Variants in SCAMP4 observed in about 807,000 individuals in gnomAD.
The protein encoded by SCAMP4 is secretory carrier membrane protein 4, also known as secretory carrier-associated membrane protein 4.
In SCAMP4, 19 loss-of-function variants were observed where a neutral mutation model predicts 32.1. The observed-to-expected ratio is 0.59, with a 90% confidence interval of 0.41 to 0.87. The LOEUF (loss-of-function observed/expected upper bound fraction) is 0.87, where lower values mean the gene tolerates loss of function less well. Ranked by LOEUF, SCAMP4 falls within the 40% of genes least tolerant of loss-of-function variation. The pLI is 0.00. For missense variants in SCAMP4, 302 were observed against 309.0 expected, an observed-to-expected ratio of 0.98 and a Z score of 0.17; for synonymous variants, 152 against 132.7, an observed-to-expected ratio of 1.15 and a Z score of -1.00.
At chr19:1,917,515 C>T (rs1191604303) in intron 2 of SCAMP4, among the ~76,000 whole-genome samples, 179 bp from the exon 3 acceptor site, 6 of 152,146 alleles carry the variant, frequency 3.9e-5, no homozygotes, top group South Asian at 2.1e-4. Context: ...CCCACCCTCC[C>T]GTCTCCTCTC....
rs868340074 is a variant in SCAMP4, at chr19:1,913,129, G to A, written c.-41-1850G>A. 5.1e-6 allele frequency: 8 copies of A among 1,573,178 alleles called. No individual in the cohort carries two copies. The Admixed American group carries it at 7.2e-5, about 14-fold the overall frequency. The stretch of plus-strand genomic sequence containing the variant: ...CGCGGGGTGCTGGAGGAGCAGTGCC[G>A]CTGGCTGGACCCCGACACGTAGGCG... On this transcript the variant is annotated intron_variant, in intron 1 of 6. Transcript: ENST00000316097.
chr19:1,905,568 A>C (rs1042025608), intron 1 of SCAMP4, 129 bp downstream of exon 1: 3 of 200,926 alleles, frequency 1.5e-5, no homozygotes, highest in African/African-American at 7.3e-5. Context: ...CGGGGGGCCC[A>C]GGCCAGCCTC....
chr19:1,920,974 G>C (rs1385963550), intron 5 of SCAMP4: 3 of 985,258 alleles, frequency 3.0e-6, no homozygotes, highest in Non-Finnish European at 3.6e-6. Context: ...CACGGGAGAA[G>C]CTGAGCATGC....
At chr19:1,912,023 TCCCCCAGCCG>T in intron 1 of SCAMP4, 8 of 1,418,200 alleles carry the variant, frequency 5.6e-6, no homozygotes, top group Non-Finnish European at 7.3e-6. Context: ...TCCCCGGCTC[TCCCCCAGCCG>T]CCCGCAGCCG....
At position 1,919,786 on chromosome 19, in the gene SCAMP4, A is replaced by G. The variant is rs139398012; in HGVS notation, c.395+796A>G. Among the ~76,000 whole-genome samples, 828 of 151,518 alleles carry G rather than the reference A, an allele frequency of 5.5e-3. 6 individuals are homozygous for G. Among genetic ancestry groups the G allele is most frequent in the African/African-American group, 0.019 (783 of 41,294 alleles). On this transcript the variant is annotated intron_variant, in intron 5 of 6. Transcript: ENST00000316097. ...AGTGCTAGGATTACAGGTGTGAGCC[A>G]CTGCACCCGGCCCTTTTTTTAAACT...
chr19:1,915,082 C>T (rs1419684074), intron 2 of SCAMP4, 56 bp downstream of exon 2: 14 of 1,607,428 alleles, frequency 8.7e-6, no homozygotes, highest in Non-Finnish European at 1.2e-5. Context: ...GAGATGCCAG[C>T]AGTTCCCACA....
Position 1,908,174 on chromosome 19 carries a change from C to T in SCAMP4, c.-42+2735C>T, listed in dbSNP as rs926614414. 3.7e-6 allele frequency: 1 copy of T among 268,898 alleles called. No homozygotes were observed. The highest frequency in any genetic ancestry group is 5.1e-5 in the Admixed American group (1 of 19,708). The allele number at this position is 268,898 out of a possible 1,614,324, so 16.7% of individuals were successfully genotyped here. ...TGGTGTGCGTTTTGGGAGGGCCCAG[C>T]GAGTCGGCTGCTATGGGCCCCACCT... On this transcript the variant is annotated intron_variant, in intron 1 of 6. Transcript: ENST00000316097. This position sits in a 1 kb window ranked among gnomAD's most constrained non-coding sequence, Gnocchi z 4.2.
In SCAMP4 at chr19:1,925,910, A is replaced by ACCCCCCCCCCCCCC. The variant is rs71174396; in HGVS notation, c.*1635_*1636insCCCCCCCCCCCCCC. The ACCCCCCCCCCCCCC allele has an allele frequency of 8.9e-6, 1 of 112,702 alleles. No homozygotes were observed. Among genetic ancestry groups the ACCCCCCCCCCCCCC allele is most frequent in the Non-Finnish European group, 1.7e-5 (1 of 58,984 alleles). 7.0% of individuals were successfully genotyped at this position (112,702 alleles called of 1,614,324 possible). On this transcript the variant is annotated 3_prime_UTR_variant, in exon 7 of 7. Transcript: ENST00000316097. ...GACAAAATCTCACCTGGCAGGCCCA[A>ACCCCCCCCCCCCCC]CCCCCCCCCACCCCTCCCCCGCCGT...
chr19:1,920,560 GC>G, intron 5 of SCAMP4: 1 of 974,466 alleles, frequency 1.0e-6, no homozygotes, highest in Non-Finnish European at 1.2e-6. Context: ...GAGTGACGTT[GC>G]CCCAGGGATC....
chr19:1,919,810 CTAT>C (rs1025107111), intron 5 of SCAMP4, among the ~76,000 whole-genome samples: 5 of 144,392 alleles, frequency 3.5e-5, no homozygotes, highest in South Asian at 2.3e-4. Flanking sequence ...TTTTTTTAAA[CTAT>C]TATTATTTTT....
At position 1,925,523 on chromosome 19, in the gene SCAMP4, A is replaced by G. The variant is rs1265011298; in HGVS notation, c.*1239A>G. 1.3e-5 allele frequency: 2 copies of G among 152,692 alleles called. No individual in the cohort carries two copies. Among genetic ancestry groups the G allele is most frequent in the African/African-American group, 4.8e-5 (2 of 41,272 alleles). The allele number at this position is 152,692 out of a possible 1,614,324, so 9.5% of individuals were successfully genotyped here. A position where few individuals can be genotyped will look rare whatever the true frequency, so the allele number is the denominator to read the frequency against. ...CTGGAACACCTCTCCCAGGCAAGAC[A>G]TTTTCACAGCACCATTCACAACGGT... On this transcript the variant is annotated 3_prime_UTR_variant, in exon 7 of 7. Transcript: ENST00000316097.
chr19:1,909,803 C>T (rs1292465640), intron 1 of SCAMP4, among the ~76,000 whole-genome samples: 1 of 152,212 alleles, frequency 6.6e-6, no homozygotes, highest in Admixed American at 6.5e-5. Flanking sequence ...TGGCTGCCTG[C>T]TCCACCCGAC....
intron 1 of SCAMP4, among the ~76,000 whole-genome samples, chr19:1,909,018 T>C (rs2013290947): frequency 6.6e-6 from 1 of 151,384 alleles, no homozygotes; most frequent in Non-Finnish European, 1.5e-5. Context: ...GGCAGGAGAA[T>C]CGCTTGAACC....
intron 1 of SCAMP4, chr19:1,912,604 G>A (rs2013528351): frequency 2.0e-6 from 3 of 1,484,342 alleles, no homozygotes; most frequent in East Asian, 2.8e-5. Flanking sequence ...ACGCAGGAGC[G>A]CGCCGCCATG....
At chr19:1,918,634 C>A in intron 4 of SCAMP4, 1 of 549,360 alleles carries the variant, frequency 1.8e-6, no homozygotes, top group African/African-American at 1.9e-5. Flanking sequence ...TGGTTGCGGG[C>A]GCCTATAATC....
chr19:1,912,207 G>C lies in SCAMP4; in HGVS notation c.-41-2772G>C, dbSNP rs755469299. ...CCCTGTCCTGTCCGAGAAGCAGTCA[G>C]GGGACGTGGAGCTGGTGCTGGCCTA... On this transcript the variant is annotated intron_variant, in intron 1 of 6. Transcript: ENST00000316097. The C allele has an allele frequency of 3.0e-5, 48 of 1,590,304 alleles. No individual in the cohort carries two copies. The highest frequency in any genetic ancestry group is 1.1e-4 in the East Asian group (5 of 43,900).
At chr19:1,921,561 T>TG in intron 5 of SCAMP4, 1 of 985,386 alleles carries the variant, frequency 1.0e-6, no homozygotes. Context: ...ACCTGACACT[T>TG]GCATGCGGGG....
chr19:1,912,892 G>A (rs756591965), intron 1 of SCAMP4: 5 of 1,607,272 alleles, frequency 3.1e-6, no homozygotes, highest in African/African-American at 2.7e-5. Flanking sequence ...GGCGCCGTGC[G>A]TAAACTGGAC....
At position 1,908,487 on chromosome 19, in the gene SCAMP4, C is replaced by CG. The variant is rs2013260278; in HGVS notation, c.-42+3051dup. 1.1e-5 allele frequency: 5 copies of CG among 470,728 alleles called. No individual in the cohort carries two copies. The highest frequency in any genetic ancestry group is 2.2e-5 in the Non-Finnish European group (5 of 226,984). The allele number at this position is 470,728 out of a possible 1,614,324, so 29.2% of individuals were successfully genotyped here. ...TGATCCAGAGACACATCCCTGTCTG[C>CG]GGGAGGAGCCGTCCATACCAGCGGG... On this transcript the variant is annotated intron_variant, in intron 1 of 6. Coordinates refer to ENST00000316097, the MANE Select transcript of SCAMP4 (RefSeq NM_079834.4). The surrounding 1 kb of genome is among the most constrained non-coding windows in gnomAD (Gnocchi z 4.2).
Sources: gnomAD v4.1 joint callset for allele counts (sites outside exome capture counted in the v4.1 genomes callset) on GRCh38, gnomAD v4.1.1 for gene constraint, Gnocchi (gnomAD v3.1) non-coding constraint, MANE v1.5 for transcripts, NCBI Gene and HGNC (gene_info 2026-07-23, HGNC 2026-07-21) for gene names.